The following GALM variants were observed in gnomAD, a reference collection of about 807,000 sequenced individuals.
The protein encoded by GALM is aldose 1-epimerase.
A neutral mutation model predicts 37.4 loss-of-function variants in GALM; 43 were observed. The ratio of observed to expected loss-of-function variants is 1.15; its 90% CI spans 0.90 to 1.48. GALM has a LOEUF of 1.48. GALM is among the 40% of genes most tolerant of loss of function. GALM has a pLI of 0.00. For missense variants in GALM, 456 were observed against 419.1 expected, an observed-to-expected ratio of 1.09 and a Z score of -0.77; for synonymous variants, 199 against 170.6, an observed-to-expected ratio of 1.17 and a Z score of -1.30.
chr2:38,732,511 G>C (rs1360964299), intron 6 of GALM, among the ~76,000 whole-genome samples: 1 of 152,136 alleles, frequency 6.6e-6, no homozygotes, highest in South Asian at 2.1e-4. Context: ...CTCGTTTTCT[G>C]CAGCCACACT....
At chr2:38,674,004 G>A (rs193018022) in intron 1 of GALM, among the ~76,000 whole-genome samples, 1,769 of 152,076 alleles carry the variant, frequency 0.012, 31 homozygotes, top group African/African-American at 0.039. Context: ...TTGCTAATAT[G>A]TAGTTAATTC....
At chr2:38,706,922 A>G (rs186830666) in intron 4 of GALM, among the ~76,000 whole-genome samples, 10 of 151,194 alleles carry the variant, frequency 6.6e-5, no homozygotes, top group African/African-American at 1.7e-4. Context: ...AAGAGATGAG[A>G]CCCAAATTAA....
chr2:38,725,077 G>T (rs1480213020), intron 4 of GALM, among the ~76,000 whole-genome samples: 1 of 152,140 alleles, frequency 6.6e-6, no homozygotes, highest in Non-Finnish European at 1.5e-5. Flanking sequence ...CTGTCATAAG[G>T]GTTAGATTTT....
rs56902027 is a variant in GALM at position 38,717,306 on chromosome 2, A to AGTGTGT, written c.635-12215_635-12210dup. On this transcript the variant is annotated intron_variant, in intron 4 of 6. Coordinates refer to ENST00000272252, the MANE Select transcript of GALM (RefSeq NM_138801.3). Reference sequence around the variant, plus strand: ...TAATACCTGGTCTCTGTATTAAGGGAGTGTGTGTGTGTGTGTGTGTGTGTG... The same window carrying AGTGTGT: ...TAATACCTGGTCTCTGTATTAAGGGAGTGTGTGTGTGTGTGTGTGTGTGTGTGTGTG... 5.6e-3 allele frequency among the ~76,000 whole-genome samples: 810 copies of AGTGTGT among 143,728 alleles called. 1 individual carries two copies. Among genetic ancestry groups the AGTGTGT allele is most frequent in the African/African-American group, 8.6e-3 (334 of 38,882 alleles). 94.3% of individuals were successfully genotyped at this position (143,728 alleles called of 152,430 possible).
intron 4 of GALM, among the ~76,000 whole-genome samples, chr2:38,704,030 T>C (rs1265576440): frequency 6.8e-6 from 1 of 146,634 alleles, no homozygotes; most frequent in Admixed American, 6.8e-5. Context: ...AATAAATGAA[T>C]AAATAAATAA....
intron 3 of GALM, among the ~76,000 whole-genome samples, chr2:38,689,417 A>G (rs1002360182): frequency 3.9e-5 from 6 of 152,168 alleles, no homozygotes; most frequent in Admixed American, 2.6e-4. Context: ...GTGAGCCTGG[A>G]GCAGTACCCT....
intron 4 of GALM, among the ~76,000 whole-genome samples, chr2:38,708,628 C>A (rs1666089508): frequency 6.6e-6 from 1 of 151,350 alleles, no homozygotes; most frequent in Non-Finnish European, 1.5e-5. Context: ...GTAGTCCCAG[C>A]TACTCAGGAA....
intron 3 of GALM, among the ~76,000 whole-genome samples, chr2:38,682,039 T>G (rs1416224546): frequency 1.3e-5 from 2 of 152,224 alleles, no homozygotes; most frequent in Admixed American, 6.5e-5. Context: ...ATTCTCAATT[T>G]CATAGTAATA....
At chr2:38,675,763 G>T (rs1042999325) in intron 1 of GALM, 149 bp from the exon 2 acceptor site, 10 of 684,268 alleles carry the variant, frequency 1.5e-5, no homozygotes, top group Non-Finnish European at 2.5e-5. Context: ...TAGAGACAGG[G>T]TTTCACCGTG....
chr2:38,673,009 CA>C (rs1299324844), intron 1 of GALM, among the ~76,000 whole-genome samples: 2 of 151,642 alleles, frequency 1.3e-5, no homozygotes, highest in Non-Finnish European at 2.9e-5. Context: ...AACTCCGTCT[CA>C]AAAAAAACAC....
At chr2:38,715,072 A>G (rs1451169929) in intron 4 of GALM, among the ~76,000 whole-genome samples, 1 of 152,212 alleles carries the variant, frequency 6.6e-6, no homozygotes, top group Non-Finnish European at 1.5e-5. Context: ...TACAATTGTC[A>G]TAGCCTTTTG....
intron 3 of GALM, among the ~76,000 whole-genome samples, chr2:38,682,640 T>A (rs1312861548): frequency 6.6e-6 from 1 of 152,220 alleles, no homozygotes; most frequent in East Asian, 1.9e-4. Context: ...CTCATGCCTG[T>A]AATCCCGGCA....
intron 4 of GALM, among the ~76,000 whole-genome samples, chr2:38,725,266 G>A (rs146635174): frequency 2.0e-5 from 3 of 152,266 alleles, no homozygotes; most frequent in African/African-American, 7.2e-5. Context: ...TGAGCATGGT[G>A]GCTCATGCTT....
intron 4 of GALM, among the ~76,000 whole-genome samples, chr2:38,700,617 T>TA (rs1429428570): frequency 3.3e-5 from 5 of 152,196 alleles, no homozygotes; most frequent in Non-Finnish European, 7.3e-5. Context: ...TGTGTGTCGT[T>TA]ACAGATGAAG....
At position 38,666,347 on chromosome 2, in the gene GALM, G is replaced by A; in HGVS notation, c.186G>A (p.Leu62=). Residue 62 remains leucine, a synonymous_variant, in exon 1 of 7, where the codon TTG becomes TTA. Transcript: ENST00000272252. ...ACGTGGTGCTTGGCTTCGCCGAGTT[G>A]GAAGGTGGGTTGAACTGTGCCCTGG... The part of the protein sequence containing the change: ...ASDVVLGFAE[L]EGYLQKQPYF... 6.2e-7 allele frequency: 1 copy of A among 1,610,618 alleles called. No individual in the cohort carries two copies. The highest frequency in any genetic ancestry group is 1.3e-5 in the African/African-American group (1 of 74,972).
chr2:38,683,321 A>G (rs952770918), intron 3 of GALM, among the ~76,000 whole-genome samples: 3 of 152,164 alleles, frequency 2.0e-5, no homozygotes, highest in Admixed American at 6.6e-5. Flanking sequence ...ACCCCACCCA[A>G]AAGCGCGGTC....
At chr2:38,666,438 G>C in intron 1 of GALM, 87 bp downstream of exon 1, 2 of 1,029,052 alleles carry the variant, frequency 1.9e-6, no homozygotes, top group Non-Finnish European at 2.8e-6. Context: ...TGCAATGCGA[G>C]GGACCAAGGG....
At chr2:38,693,574 G>A (rs897114544) in intron 4 of GALM, among the ~76,000 whole-genome samples, 5 of 151,802 alleles carry the variant, frequency 3.3e-5, no homozygotes, top group African/African-American at 9.7e-5. Flanking sequence ...ACTATCTACC[G>A]ACTGTGGTTT....
At chr2:38,706,109 G>T (rs540670056) in intron 4 of GALM, among the ~76,000 whole-genome samples, 1 of 151,928 alleles carries the variant, frequency 6.6e-6, no homozygotes, top group Non-Finnish European at 1.5e-5. Flanking sequence ...AGGTTCAAGC[G>T]ATTCTCCTGC....
Sources: allele counts gnomAD v4.1 joint callset (sites outside exome capture counted in the v4.1 genomes callset), GRCh38; gene constraint gnomAD v4.1.1; transcripts MANE v1.5; gene names NCBI Gene and HGNC (gene_info 2026-07-23, HGNC 2026-07-21).